The following MUCL3 variants were observed in gnomAD, a reference collection of about 807,000 sequenced individuals.
MUCL3 encodes the protein mucin-like protein 3.
A neutral mutation model predicts 70.2 loss-of-function variants in MUCL3; 42 were observed. The observed-to-expected ratio is 0.60, with a 90% CI of 0.47 to 0.77. The LOEUF (loss-of-function observed/expected upper bound fraction) is 0.77. Ranked by LOEUF, MUCL3 falls within the 30% of genes least tolerant of loss-of-function variation. The pLI, the probability that MUCL3 is intolerant of heterozygous loss-of-function variation, is 0.00. For synonymous variants in MUCL3, 522 were observed against 647.0 expected, an observed-to-expected ratio of 0.81 and a Z score of 2.93; for missense variants, 1,429 against 1,670.0, an observed-to-expected ratio of 0.86 and a Z score of 2.52.
Position 30,951,732 on chromosome 6 carries a change from A to C in MUCL3, c.3268A>C (p.Thr1090Pro), listed in dbSNP as rs1173491866. The change falls in exon 2 of 3, where the codon ACT becomes CCT. Residue 1090 changes from threonine (T) to proline (P), a missense_variant. Transcript: ENST00000462446. ...AGGGCCTACAGAACATGGAGCAAAA[A>C]CTACGTCGGCCAATGAGAAGATCAC... The part of the protein sequence containing the change: ...PEGPTEHGAK[T>P]TSANEKITPS... 1 of 1,551,912 alleles carries C rather than the reference A, an allele frequency of 6.4e-7. No homozygotes were observed. Among genetic ancestry groups the C allele is most frequent in the Non-Finnish European group, 8.7e-7 (1 of 1,147,112 alleles).
At chr6:30,948,013 A>T (rs1211293175) in intron 1 of MUCL3, among the ~76,000 whole-genome samples, 1 of 152,190 alleles carries the variant, frequency 6.6e-6, no homozygotes, top group African/African-American at 2.4e-5. Context: ...AAAGGTGAAG[A>T]GTCTAACGTT....
In MUCL3 at chr6:30,952,361, C is replaced by T; in HGVS notation, c.3897C>T (p.Tyr1299=). Residue 1299 remains tyrosine (Y), a synonymous_variant, in exon 2 of 3, where the codon TAC becomes TAT. Coordinates refer to ENST00000462446, the MANE Select transcript of MUCL3 (RefSeq NM_080870.4). ...CCACAGGAAACGAGAGCCATCCATA[C>T]CTCAATAAAGATGGCTCACAGAAAG... is the stretch of plus-strand genomic sequence containing the variant. ...SEATGNESHP[Y]LNKDGSQKGI... is the part of the protein sequence containing the mutation. 6.2e-7 allele frequency: 1 copy of T among 1,614,200 alleles called. No individual in the cohort carries two copies. Among genetic ancestry groups the T allele is most frequent in the East Asian group, 2.2e-5 (1 of 44,884 alleles).
In MUCL3 at chr6:30,951,186, C is replaced by T. The variant is rs1312018125; in HGVS notation, c.2722C>T (p.Pro908Ser). The T allele has an allele frequency of 4.5e-6, 7 of 1,548,020 alleles. No homozygotes were observed. In the South Asian group the frequency reaches 8.3e-5, roughly 18 times the overall value. The change falls in exon 2 of 3, where the codon CCA becomes TCA. Residue 908 changes from proline (P) to serine (S), a missense_variant. Physicochemically the swap from Pro to Ser is moderately conservative, Grantham distance 74. Coordinates refer to ENST00000462446, the MANE Select transcript of MUCL3 (RefSeq NM_080870.4). ...AEPTENGERT[P>S]FTNEKTTPSS... ...GCCTACAGAAAATGGAGAAAGGACC[C>T]CATTTACCAATGAGAAGACCACACC...
chr6:30,943,775 G>GA (rs1218188657), intron 1 of MUCL3, among the ~76,000 whole-genome samples: 2 of 151,756 alleles, frequency 1.3e-5, no homozygotes, highest in African/African-American at 4.8e-5. Flanking sequence ...ATGGAAAATA[G>GA]AAAAAATAAG....
chr6:30,943,250 G>T (rs1234078730), intron 1 of MUCL3, among the ~76,000 whole-genome samples: 1 of 152,190 alleles, frequency 6.6e-6, no homozygotes, highest in Non-Finnish European at 1.5e-5. Context: ...CAGAACCACA[G>T]GTACAATCTA....
intron 1 of MUCL3, 50 bp from the exon 2 acceptor site, chr6:30,948,497 T>G: frequency 9.5e-6 from 13 of 1,365,936 alleles, no homozygotes; most frequent in South Asian, 4.8e-5. Context: ...GAAGGGGGAG[T>G]TGGAGAAGAA....
chr6:30,942,671 G>A (rs1324460528), intron 1 of MUCL3, among the ~76,000 whole-genome samples: 4 of 152,116 alleles, frequency 2.6e-5, no homozygotes, highest in Non-Finnish European at 5.9e-5. Context: ...AACACCTCCC[G>A]GCCCCATCTC....
At position 30,951,247 on chromosome 6, in the gene MUCL3, C is replaced by T. The variant is rs560459076; in HGVS notation, c.2783C>T (p.Thr928Ile). ...SAEPTEHGER[T>I]PLANEITTPS... ...GAGCCTACAGAACATGGAGAAAGGACCCCACTGGCCAATGAGATCACCACA... is the reference window on the plus strand; with the variant it reads ...GAGCCTACAGAACATGGAGAAAGGATCCCACTGGCCAATGAGATCACCACA... Residue 928 changes from threonine to isoleucine, a missense_variant, in exon 2 of 3, where the codon ACC becomes ATC. Thr to Ile is a moderately conservative substitution (Grantham distance 89, BLOSUM62 -1). Coordinates refer to ENST00000462446, the MANE Select transcript of MUCL3 (RefSeq NM_080870.4). 2 of 1,550,774 alleles carry T rather than the reference C, an allele frequency of 1.3e-6. No homozygotes were observed. The highest frequency in any genetic ancestry group is 1.4e-5 in the African/African-American group (1 of 72,650).
chr6:30,942,906 A>C (rs1487772810), intron 1 of MUCL3, among the ~76,000 whole-genome samples: 1 of 151,412 alleles, frequency 6.6e-6, no homozygotes, highest in Non-Finnish European at 1.5e-5. Context: ...GCTGGGCGGC[A>C]TGGAGGGAGG....
Position 30,948,948 on chromosome 6 carries a change from C to T in MUCL3, c.484C>T (p.Pro162Ser), listed in dbSNP as rs1315447413. The change falls in exon 2 of 3, where the codon CCC (proline) becomes TCC (serine). Residue 162 changes from proline to serine, a missense_variant. Coordinates refer to ENST00000462446, the MANE Select transcript of MUCL3 (RefSeq NM_080870.4). ...SAGKKHITPAPKSKINCRKST... is the reference protein window; with the variant it reads ...SAGKKHITPASKSKINCRKST... ...TGGAAAAAAACATATAACGCCAGCA[C>T]CCAAGAGCAAAATAAACTGTCGTAA... The T allele has an allele frequency of 4.5e-6, 7 of 1,551,110 alleles. No homozygotes were observed. Among genetic ancestry groups the T allele is most frequent in the Non-Finnish European group, 5.2e-6 (6 of 1,146,906 alleles).
At chr6:30,945,214 T>C (rs762843895) in intron 1 of MUCL3, among the ~76,000 whole-genome samples, 2 of 152,178 alleles carry the variant, frequency 1.3e-5, no homozygotes, top group Non-Finnish European at 2.9e-5. Context: ...GGCAAGGCTT[T>C]TAAGGAGTTT....
At chr6:30,946,362 G>C (rs902875281) in intron 1 of MUCL3, 1 of 152,224 alleles carries the variant, frequency 6.6e-6, no homozygotes, top group African/African-American at 2.4e-5. Flanking sequence ...TAAGAGACCT[G>C]AGCAAGAATG....
intron 1 of MUCL3, among the ~76,000 whole-genome samples, chr6:30,944,034 G>A (rs1049003621): frequency 6.6e-6 from 1 of 151,968 alleles, no homozygotes; most frequent in African/African-American, 2.4e-5. Context: ...ATACTGTATA[G>A]GTATTTTAAC....
In MUCL3 at chr6:30,953,290, C is replaced by A; in HGVS notation, c.*173C>A. The A allele has an allele frequency of 1.1e-6, 1 of 928,896 alleles. No individual in the cohort carries two copies. The highest frequency in any genetic ancestry group is 1.6e-6 in the Non-Finnish European group (1 of 638,446). The allele number at this position is 928,896 out of a possible 1,614,324, so 57.5% of individuals were successfully genotyped here. A position where few individuals can be genotyped will look rare whatever the true frequency, so the allele number is the denominator to read the frequency against. On this transcript the variant is annotated 3_prime_UTR_variant, in exon 3 of 3. Transcript: ENST00000462446. ...ACTGGTTGGGGAATGAGGTGATAAG[C>A]AAGGAGGGTGTAAGTTTAGGGGACA...
chr6:30,941,148 A>T, intron 1 of MUCL3, 67 bp downstream of exon 1: 1 of 1,521,668 alleles, frequency 6.6e-7, no homozygotes. Flanking sequence ...AGCGTTGGAC[A>T]ACAAATAGAA....
At chr6:30,944,471 G>A (rs1419708248) in intron 1 of MUCL3, among the ~76,000 whole-genome samples, 4 of 152,100 alleles carry the variant, frequency 2.6e-5, no homozygotes, top group Non-Finnish European at 5.9e-5. Context: ...TAGTAGAGAC[G>A]GGGTTTCGCC....
In MUCL3 at chr6:30,951,872, T is replaced by C. The variant is rs1244054263; in HGVS notation, c.3408T>C (p.Asn1136=). 1.2e-6 allele frequency: 2 copies of C among 1,608,628 alleles called. No homozygotes were observed. Among genetic ancestry groups the C allele is most frequent in the Middle Eastern group, 1.7e-4 (1 of 6,034 alleles). The change falls in exon 2 of 3, where the codon AAT becomes AAC. Residue 1136 remains asparagine, a synonymous_variant. Transcript: ENST00000462446. Reference sequence around the variant, plus strand: ...ATAGAGATAGGGCTACATCAGCCAATGTGATCACACCAGCCCCAGCAGAGC... The same window carrying C: ...ATAGAGATAGGGCTACATCAGCCAACGTGATCACACCAGCCCCAGCAGAGC... ...TEHRDRATSA[N]VITPAPAEPI... is the part of the protein sequence containing the mutation.
At chr6:30,941,182 G>T in intron 1 of MUCL3, 101 bp downstream of exon 1, 1 of 1,382,088 alleles carries the variant, frequency 7.2e-7, no homozygotes, top group South Asian at 1.3e-5. Flanking sequence ...GCGGGCACGG[G>T]GCTGCTACAG....
Position 30,948,588 on chromosome 6 carries a change from T to C in MUCL3, c.124T>C (p.Ser42Pro). The C allele has an allele frequency of 6.5e-7, 1 of 1,544,972 alleles. No homozygotes were observed. Among genetic ancestry groups the C allele is most frequent in the Non-Finnish European group, 8.7e-7 (1 of 1,145,082 alleles). ...FQEYQKTGEL[S>P]TSDHIFPLTP... ...AGAATATCAGAAAACTGGGGAACTC[T>C]CAACATCCGATCACATATTTCCCCT... The change falls in exon 2 of 3, where the codon TCA (serine) becomes CCA (proline). Residue 42 changes from serine to proline, a missense_variant. Ser to Pro is a moderately conservative substitution (Grantham distance 74). Transcript: ENST00000462446.
Sources: allele counts gnomAD v4.1 joint callset (sites outside exome capture counted in the v4.1 genomes callset), GRCh38; gene constraint gnomAD v4.1.1; transcripts MANE v1.5; gene names NCBI Gene and HGNC (gene_info 2026-07-23, HGNC 2026-07-21).